SH3PXD2B: variants seen among roughly 807,000 people sequenced by gnomAD.
SH3PXD2B encodes SH3 and PX domain-containing protein 2B.
Under a neutral mutation model 73.1 loss-of-function variants are expected in SH3PXD2B, and 37 were observed. The ratio of observed to expected loss-of-function variants is 0.51; its 90% CI spans 0.39 to 0.67. The LOEUF is 0.67. Among genes scored for constraint, SH3PXD2B ranks in the 30% least tolerant of loss-of-function variants. SH3PXD2B has a pLI of 0.00. For synonymous variants in SH3PXD2B, 457 were observed against 480.5 expected (o/e 0.95, Z 0.64); for missense variants, 1,053 against 1,197.8 (o/e 0.88, Z 1.78).
At position 172,372,545 on chromosome 5, in the gene SH3PXD2B, A is replaced by G. The variant is rs556448266; in HGVS notation, c.427+1245T>C. Among the ~76,000 whole-genome samples the G allele has an allele frequency of 7.2e-5, 11 of 152,292 alleles. No individual in the cohort carries two copies. In the East Asian group the frequency reaches 1.9e-3, roughly 27 times the overall value. ...TTTCTTTACAGAAGTGTGAGAATGA[A>G]CTAATATACTACTGCTGGTCAGGGG... On this transcript the variant is annotated intron_variant, in intron 6 of 12. Transcript: ENST00000311601.
At chr5:172,400,307 T>C (rs1758397020) in intron 3 of SH3PXD2B, among the ~76,000 whole-genome samples, 1 of 152,220 alleles carries the variant, frequency 6.6e-6, no homozygotes, top group South Asian at 2.1e-4. Flanking sequence ...ATGACTCATA[T>C]GGTTTAGTAA....
chr5:172,429,319 C>T (rs902075578), intron 1 of SH3PXD2B, among the ~76,000 whole-genome samples: 68 of 113,390 alleles, frequency 6.0e-4, no homozygotes, highest in African/African-American at 2.4e-3. Flanking sequence ...CAAACACCCC[C>T]GCCCCTTGGG....
chr5:172,401,106 G>C (rs574024628), intron 3 of SH3PXD2B, among the ~76,000 whole-genome samples: 33 of 152,286 alleles, frequency 2.2e-4, no homozygotes, highest in African/African-American at 7.9e-4. Context: ...ACAAGGCATT[G>C]ATCAAAAATT....
chr5:172,363,176 G>GTCCATCCATCCA (rs947980244), intron 6 of SH3PXD2B, among the ~76,000 whole-genome samples: 2 of 151,916 alleles, frequency 1.3e-5, no homozygotes, highest in South Asian at 4.2e-4. Flanking sequence ...CCATCCATCT[G>GTCCATCCATCCA]TCCATCCATC....
intron 1 of SH3PXD2B, among the ~76,000 whole-genome samples, chr5:172,448,653 C>A (rs111525597): frequency 0.013 from 2,028 of 152,356 alleles, 30 homozygotes; most frequent in Non-Finnish European, 0.022. Flanking sequence ...TTCTTCCCAG[C>A]AGCAGGGCTG....
chr5:172,351,193 G>A (rs1490897751), intron 9 of SH3PXD2B, among the ~76,000 whole-genome samples: 1 of 152,126 alleles, frequency 6.6e-6, no homozygotes, highest in Non-Finnish European at 1.5e-5. Flanking sequence ...GCAGTGGTTC[G>A]ATCATAGCTC....
intron 1 of SH3PXD2B, among the ~76,000 whole-genome samples, chr5:172,428,816 T>C (rs1759164071): frequency 1.3e-5 from 2 of 152,138 alleles, no homozygotes; most frequent in Admixed American, 1.3e-4. Context: ...AGGAACAAGA[T>C]AAATGACATC....
intron 1 of SH3PXD2B, among the ~76,000 whole-genome samples, chr5:172,446,187 A>C (rs1168000438): frequency 6.6e-6 from 1 of 152,234 alleles, no homozygotes; most frequent in African/African-American, 2.4e-5. Context: ...GGCATTCTGC[A>C]TAAAAGCTCA....
intron 5 of SH3PXD2B, among the ~76,000 whole-genome samples, chr5:172,381,775 G>A (rs1006884592): frequency 7.9e-5 from 12 of 152,276 alleles, no homozygotes; most frequent in East Asian, 7.7e-4. Flanking sequence ...GCTCAGTTCC[G>A]ACACACCTCG....
Position 172,401,990 on chromosome 5 carries a change from G to C in SH3PXD2B, c.232+4287C>G, listed in dbSNP as rs965664122. On this transcript the variant is annotated intron_variant, in intron 3 of 12. Transcript: ENST00000311601. ...AGAACAGGATAACAGCAATGTTGAG[G>C]GAACAAGGGAGATAACCATTAGGTC... Among the ~76,000 whole-genome samples the C allele has an allele frequency of 1.3e-5, 2 of 152,200 alleles. 1 individual carries two copies. The highest frequency in any genetic ancestry group is 3.8e-4 in the East Asian group (2 of 5,202).
chr5:172,446,103 G>A lies in SH3PXD2B; in HGVS notation c.75+8175C>T, dbSNP rs115095428. Among the ~76,000 whole-genome samples, 876 of 152,212 alleles carry A rather than the reference G, an allele frequency of 5.8e-3. 10 individuals carry two copies. The highest frequency in any genetic ancestry group is 0.02 in the African/African-American group (828 of 41,526). Reference sequence around the variant, plus strand: ...CACCCAGGGGCCAGCTGACCCCCCCGACAAGGGCTCTAGGATAGGGACCAC... The same window carrying A: ...CACCCAGGGGCCAGCTGACCCCCCCAACAAGGGCTCTAGGATAGGGACCAC... On this transcript the variant is annotated intron_variant, in intron 1 of 12. Coordinates refer to ENST00000311601, the MANE Select transcript of SH3PXD2B (RefSeq NM_001017995.3).
At chr5:172,332,862 G>A (rs893173043), downstream of SH3PXD2B, among the ~76,000 whole-genome samples, 5 of 151,896 alleles carry the variant, frequency 3.3e-5, no homozygotes, top group African/African-American at 1.2e-4. Context: ...CCACCTCCCA[G>A]GAGCAGATGG....
At chr5:172,368,788 A>G (rs1053429995) in intron 6 of SH3PXD2B, among the ~76,000 whole-genome samples, 2 of 126,890 alleles carry the variant, frequency 1.6e-5, no homozygotes, top group Non-Finnish European at 3.2e-5. Flanking sequence ...TATTTAATAT[A>G]TAATACACAT....
intron 3 of SH3PXD2B, among the ~76,000 whole-genome samples, chr5:172,403,044 C>A (rs1465542227): frequency 1.3e-5 from 2 of 152,244 alleles, no homozygotes; most frequent in East Asian, 3.9e-4. Context: ...GGTGAGGTGC[C>A]ATGGGCAGCG....
chr5:172,373,580 G>GCATCCATCCATCCATCCATC (rs10625047), intron 6 of SH3PXD2B, among the ~76,000 whole-genome samples: 2 of 147,668 alleles, frequency 1.4e-5, no homozygotes, highest in African/African-American at 5.0e-5. Flanking sequence ...AATCAATCAA[G>GCATCCATCCATCCATCCATC]CATCCATCCA....
chr5:172,335,546 C>T lies in SH3PXD2B; in HGVS notation c.*2823G>A. On this transcript the variant is annotated 3_prime_UTR_variant, in exon 13 of 13. Transcript: ENST00000311601. Reference sequence around the variant, plus strand: ...ATAGATCAGGGCTGGTCCTATCCGCCTCACAGGCTTGCCGTAAGGATTAAA... The same window carrying T: ...ATAGATCAGGGCTGGTCCTATCCGCTTCACAGGCTTGCCGTAAGGATTAAA... 4 of 1,231,780 alleles carry T rather than the reference C, an allele frequency of 3.2e-6. No individual in the cohort carries two copies. Among genetic ancestry groups the T allele is most frequent in the Middle Eastern group, 3.1e-4 (1 of 3,208 alleles). The allele number at this position is 1,231,780 out of a possible 1,614,324, so 76.3% of individuals were successfully genotyped here. A position where few individuals can be genotyped will look rare whatever the true frequency, so the allele number is the denominator to read the frequency against.
At position 172,336,320 on chromosome 5, in the gene SH3PXD2B, G is replaced by C; in HGVS notation, c.*2049C>G. The C allele has an allele frequency of 1.0e-6, 1 of 985,578 alleles. No homozygotes were observed. Among genetic ancestry groups the C allele is most frequent in the Non-Finnish European group, 1.2e-6 (1 of 829,974 alleles). The allele number at this position is 985,578 out of a possible 1,614,324, so 61.1% of individuals were successfully genotyped here. ...CCATGGGGCCTCCTCTCAAGGGAGG[G>C]GACCCTCAAGCGGTGGCGGCCCTTC... On this transcript the variant is annotated 3_prime_UTR_variant, in exon 13 of 13. Coordinates refer to ENST00000311601, the MANE Select transcript of SH3PXD2B (RefSeq NM_001017995.3).
At chr5:172,432,220 C>T (rs954078582) in intron 1 of SH3PXD2B, among the ~76,000 whole-genome samples, 1 of 152,088 alleles carries the variant, frequency 6.6e-6, no homozygotes, top group African/African-American at 2.4e-5. Flanking sequence ...ATGGTTAATT[C>T]ATCAACGCTG....
intron 2 of SH3PXD2B, among the ~76,000 whole-genome samples, chr5:172,415,460 AG>A (rs1159655731): frequency 1.3e-5 from 2 of 152,136 alleles, no homozygotes; most frequent in African/African-American, 4.8e-5. Flanking sequence ...TAGGAGTGCA[AG>A]TTTCAGATCC....
Sources: allele counts gnomAD v4.1 joint callset (sites outside exome capture counted in the v4.1 genomes callset), GRCh38; gene constraint gnomAD v4.1.1; transcripts MANE v1.5; gene names NCBI Gene and HGNC (gene_info 2026-07-23, HGNC 2026-07-21).